The following LRRC40 variants were observed in gnomAD, a reference collection of about 807,000 sequenced individuals.
LRRC40 encodes the protein leucine-rich repeat-containing protein 40.
In LRRC40, 76 loss-of-function variants were observed where a neutral mutation model predicts 72.8. That is an observed-to-expected ratio of 1.04 (90% CI 0.87 to 1.26). The LOEUF is 1.26. Among genes scored for constraint, LRRC40 ranks in the 50% most tolerant of loss-of-function variants. LRRC40 has a pLI of 0.00. For missense variants in LRRC40, 684 were observed against 698.9 expected, an observed-to-expected ratio of 0.98 and a Z score of 0.24; for synonymous variants, 243 against 254.2, an observed-to-expected ratio of 0.96 and a Z score of 0.42.
intron 10 of LRRC40, among the ~76,000 whole-genome samples, chr1:70,158,593 T>C (rs1159353937): frequency 6.6e-6 from 1 of 152,194 alleles, no homozygotes; most frequent in African/African-American, 2.4e-5. Flanking sequence ...TAAAAAATAT[T>C]TAAAATTTTT....
intron 5 of LRRC40, 150 bp from the exon 6 acceptor site, chr1:70,179,143 A>G (rs1179684878): frequency 2.4e-6 from 1 of 414,082 alleles, no homozygotes; most frequent in East Asian, 3.6e-5. Flanking sequence ...ACTGAATTAA[A>G]TAAATGTAAA....
chr1:70,162,690 T>C (rs1667791469), intron 9 of LRRC40, among the ~76,000 whole-genome samples: 1 of 152,226 alleles, frequency 6.6e-6, no homozygotes, highest in African/African-American at 2.4e-5. Context: ...GCTTCTACTC[T>C]GCGGCAGTCA....
intron 11 of LRRC40, among the ~76,000 whole-genome samples, chr1:70,154,557 TC>T (rs1044517629): frequency 6.6e-6 from 1 of 152,180 alleles, no homozygotes; most frequent in African/African-American, 2.4e-5. Flanking sequence ...GGATTAGAGA[TC>T]CCTTTTGCAA....
Position 70,189,225 on chromosome 1 carries a change from T to G in LRRC40, c.200A>C (p.Asn67Thr). The G allele has an allele frequency of 6.2e-7, 1 of 1,612,670 alleles. No homozygotes were observed. Among genetic ancestry groups the G allele is most frequent in the Non-Finnish European group, 8.5e-7 (1 of 1,179,832 alleles). Residue 67 changes from asparagine (N) to threonine (T), a missense_variant, in exon 2 of 15, where the codon AAT becomes ACT. Transcript: ENST00000370952. ...AGTAGCACCAAACGAAAGATTCTGA[T>G]TAGCTTCCTCAGGGATATCCACATT... ...RINVDIPEEANQNLSFGATER... is the reference protein window; with the variant it reads ...RINVDIPEEATQNLSFGATER...
At chr1:70,176,008 G>A in intron 6 of LRRC40, 26 bp from the exon 7 acceptor site, 2 of 1,400,424 alleles carry the variant, frequency 1.4e-6, no homozygotes, top group Non-Finnish European at 1.9e-6. Flanking sequence ...TGAGTTATGT[G>A]TATCTCTGTA....
At chr1:70,150,946 A>G (rs1667467545) in intron 13 of LRRC40, among the ~76,000 whole-genome samples, 182 bp downstream of exon 13, 1 of 152,274 alleles carries the variant, frequency 6.6e-6, no homozygotes. Context: ...TATGTTAGAC[A>G]TCAACTATGA....
intron 9 of LRRC40, among the ~76,000 whole-genome samples, chr1:70,172,419 T>C (rs1305677382): frequency 6.6e-6 from 1 of 152,150 alleles, no homozygotes; most frequent in African/African-American, 2.4e-5. Context: ...CATTACCAAT[T>C]TTCTTTTTGT....
chr1:70,178,530 A>G (rs1668160980), intron 6 of LRRC40, among the ~76,000 whole-genome samples: 1 of 152,218 alleles, frequency 6.6e-6, no homozygotes, highest in Non-Finnish European at 1.5e-5. Context: ...AGAATTAGGT[A>G]CATAATCCTG....
intron 1 of LRRC40, among the ~76,000 whole-genome samples, 192 bp downstream of exon 1, chr1:70,205,198 C>A (rs961529427): frequency 2.6e-5 from 4 of 152,114 alleles, no homozygotes; most frequent in Non-Finnish European, 4.4e-5. Flanking sequence ...ACAGAGATTG[C>A]GGGAACCTGG....
intron 11 of LRRC40, among the ~76,000 whole-genome samples, chr1:70,155,049 G>C (rs897508628): frequency 1.3e-5 from 2 of 151,996 alleles, no homozygotes; most frequent in South Asian, 2.1e-4. Context: ...TGGGTATATA[G>C]TTTACTGCTA....
At chr1:70,158,433 A>G (rs1197807823) in intron 10 of LRRC40, among the ~76,000 whole-genome samples, 6 of 152,182 alleles carry the variant, frequency 3.9e-5, no homozygotes. Context: ...TTTCACTACA[A>G]TACCCATAAA....
chr1:70,198,149 A>G (rs1215075909), intron 1 of LRRC40, among the ~76,000 whole-genome samples: 5 of 152,172 alleles, frequency 3.3e-5, no homozygotes, highest in Non-Finnish European at 7.4e-5. Flanking sequence ...GGTTTTCTTC[A>G]TGATTAGGTG....
chr1:70,154,251 T>G (rs1043171342), intron 11 of LRRC40, among the ~76,000 whole-genome samples: 2 of 152,298 alleles, frequency 1.3e-5, no homozygotes, highest in East Asian at 3.9e-4. Flanking sequence ...ATGCAACATG[T>G]CCATGTAATA....
At chr1:70,169,058 A>G (rs1265853659) in intron 9 of LRRC40, among the ~76,000 whole-genome samples, 1 of 152,184 alleles carries the variant, frequency 6.6e-6, no homozygotes, top group African/African-American at 2.4e-5. Context: ...GTAAGCAACA[A>G]TGAAAAGGGG....
intron 7 of LRRC40, 102 bp downstream of exon 7, chr1:70,175,708 A>T: frequency 1.2e-6 from 1 of 826,986 alleles, no homozygotes; most frequent in Non-Finnish European, 1.8e-6. Context: ...AGTGAATTCA[A>T]TTTAGAAAAA....
chr1:70,178,908 A>C lies in LRRC40; in HGVS notation c.747T>G (p.Tyr249Ter), dbSNP rs201720523. 6.9e-6 allele frequency: 11 copies of C among 1,599,990 alleles called. No homozygotes were observed. In the Admixed American group the frequency reaches 8.4e-5, roughly 12 times the overall value. The change falls in exon 6 of 15, where the codon TAT (tyrosine) becomes TAG (stop). Residue 249 changes from tyrosine to a stop codon, truncating the protein, a stop_gained. Coordinates refer to ENST00000370952, the MANE Select transcript of LRRC40 (RefSeq NM_017768.5). LOFTEE classifies it high-confidence loss of function. ...GAAAACGTAATTTATTCCTCCGCAA[A>C]TAAAGCAATTCTAGTGATTCCATGC... ...LAGMESLELL[Y>*]LRRNKLRFLP...
intron 9 of LRRC40, among the ~76,000 whole-genome samples, chr1:70,169,322 C>G (rs1202449403): frequency 6.6e-6 from 1 of 152,180 alleles, no homozygotes. Flanking sequence ...TTTGTACTTT[C>G]TCTAATAAAT....
At chr1:70,180,851 C>T (rs376414263) in intron 5 of LRRC40, among the ~76,000 whole-genome samples, 3 of 152,032 alleles carry the variant, frequency 2.0e-5, no homozygotes, top group South Asian at 2.1e-4. Context: ...CCTACTACAA[C>T]GAATAATCAT....
intron 14 of LRRC40, among the ~76,000 whole-genome samples, chr1:70,147,528 T>C (rs529462159): frequency 6.6e-6 from 1 of 152,268 alleles, no homozygotes; most frequent in Admixed American, 6.5e-5. Context: ...AAGTTATATA[T>C]TGACTGGTTG....
Sources: gnomAD v4.1 joint callset for allele counts (sites outside exome capture counted in the v4.1 genomes callset) on GRCh38, gnomAD v4.1.1 for gene constraint, MANE v1.5 for transcripts, NCBI Gene and HGNC (gene_info 2026-07-23, HGNC 2026-07-21) for gene names.